Variants in PDIA5 observed in about 807,000 individuals in gnomAD.
PDIA5 encodes the protein protein disulfide-isomerase A5.
A neutral mutation model predicts 77.6 loss-of-function variants in PDIA5; 58 were observed. That is an observed-to-expected ratio of 0.75 (90% CI 0.61 to 0.93). PDIA5 has a LOEUF of 0.93. Among genes scored for constraint, PDIA5 ranks in the 40% least tolerant of loss-of-function variants. The probability of loss-of-function intolerance (pLI) is 0.00; values close to 1 mark genes in which losing one functional copy is unlikely to be tolerated. For missense variants in PDIA5, 630 were observed against 647.7 expected, an observed-to-expected ratio of 0.97 and a Z score of 0.30; for synonymous variants, 250 against 252.1, an observed-to-expected ratio of 0.99 and a Z score of 0.08.
In PDIA5 at chr3:123,161,897, T is replaced by C. The variant is rs1323160858; in HGVS notation, c.1497T>C (p.Asn499=). The part of the protein sequence containing the change: ...DSDRTELGFT[N]YIRALREGDH... The stretch of plus-strand genomic sequence containing the variant: ...CCCTGCAGGAATTGGGATTTACCAA[T>C]TATATTCGAGCCCTCCGGGAGGGAG... The change falls in exon 17 of 17, where the codon AAT becomes AAC. Residue 499 remains asparagine, a synonymous_variant. Transcript: ENST00000316218. The C allele has an allele frequency of 1.3e-6, 2 of 1,597,836 alleles. No individual in the cohort carries two copies. The highest frequency in any genetic ancestry group is 1.7e-6 in the Non-Finnish European group (2 of 1,165,554).
At chr3:123,081,665 C>T (rs970191515) in intron 1 of PDIA5, among the ~76,000 whole-genome samples, 3 of 152,204 alleles carry the variant, frequency 2.0e-5, no homozygotes, top group Non-Finnish European at 4.4e-5. Context: ...CAATGTTAAA[C>T]TTCTGTTCCC....
At chr3:123,150,944 T>A (rs1374904413) in intron 14 of PDIA5, among the ~76,000 whole-genome samples, 1 of 152,268 alleles carries the variant, frequency 6.6e-6, no homozygotes, top group African/African-American at 2.4e-5. Flanking sequence ...ATACTTACAA[T>A]GAAAGGTTCT....
rs1344641757 is a variant in PDIA5, at chr3:123,128,499, TTTTA to T, written c.774-1977_774-1974del. On this transcript the variant is annotated intron_variant, in intron 10 of 16. Coordinates refer to ENST00000316218, the MANE Select transcript of PDIA5 (RefSeq NM_006810.4). ...TTACATTCACATAATTCAATTTATTTTTTATTTTTTATTTTTTTATTTTTTTAGA... is the reference window on the plus strand; with the variant it reads ...TTACATTCACATAATTCAATTTATTTTTTTTTATTTTTTTATTTTTTTAGA... Among the ~76,000 whole-genome samples the T allele has an allele frequency of 2.6e-5, 4 of 152,134 alleles. No homozygotes were observed. The South Asian group carries it at 8.3e-4, about 32-fold the overall frequency.
chr3:123,111,120 C>A (rs1229593761), intron 7 of PDIA5, 116 bp downstream of exon 7: 5 of 744,536 alleles, frequency 6.7e-6, no homozygotes, highest in Non-Finnish European at 9.5e-6. Context: ...TGGCTTAGAA[C>A]GCTGAATCTC....
intron 4 of PDIA5, 22 bp downstream of exon 4, chr3:123,102,516 C>A: frequency 1.3e-6 from 2 of 1,575,838 alleles, no homozygotes; most frequent in Non-Finnish European, 1.7e-6. Flanking sequence ...TGGGCATTTC[C>A]AATTTCCAAG....
intron 8 of PDIA5, among the ~76,000 whole-genome samples, chr3:123,122,609 A>T (rs1935146673): frequency 6.6e-6 from 1 of 152,194 alleles, no homozygotes; most frequent in South Asian, 2.1e-4. Flanking sequence ...TAGGAAGATG[A>T]CAGTTACTGA....
At chr3:123,095,541 G>A (rs753624394) in intron 3 of PDIA5, among the ~76,000 whole-genome samples, 11 of 152,104 alleles carry the variant, frequency 7.2e-5, no homozygotes, top group Admixed American at 2.0e-4. Flanking sequence ...CCTGAGGTCG[G>A]GAGTTCAAGA....
rs893689847 is a variant in PDIA5 at position 123,111,094 on chromosome 3, G to T, written c.541+90G>T. ...TGGGGGTTGCGGGCGGGGTCTGGGG[G>T]ATTAGCCTGGGTGCCTGGCTTAGAA... On this transcript the variant is annotated intron_variant, in intron 7 of 16. Coordinates refer to ENST00000316218, the MANE Select transcript of PDIA5 (RefSeq NM_006810.4). 3.4e-6 allele frequency: 3 copies of T among 873,374 alleles called. No homozygotes were observed. The African/African-American group carries it at 5.0e-5, about 14-fold the overall frequency. 54.1% of individuals were successfully genotyped at this position (873,374 alleles called of 1,614,324 possible).
chr3:123,125,573 ACC>A (rs772231990), intron 10 of PDIA5, among the ~76,000 whole-genome samples: 6 of 152,234 alleles, frequency 3.9e-5, no homozygotes, highest in Admixed American at 2.6e-4. Flanking sequence ...CAGTGTGCAA[ACC>A]CCAGGGTTAA....
intron 1 of PDIA5, among the ~76,000 whole-genome samples, chr3:123,068,118 A>C (rs539291868): frequency 6.6e-6 from 1 of 152,122 alleles, no homozygotes; most frequent in South Asian, 2.1e-4. Flanking sequence ...CTCCTTCCCC[A>C]TCTTTTCCAT....
intron 15 of PDIA5, among the ~76,000 whole-genome samples, chr3:123,156,854 C>T (rs1400856845): frequency 6.6e-6 from 1 of 152,208 alleles, no homozygotes; most frequent in Non-Finnish European, 1.5e-5. Flanking sequence ...CCTTTCTGCC[C>T]ACTAGACCGC....
intron 1 of PDIA5, among the ~76,000 whole-genome samples, chr3:123,070,505 G>T (rs1450360824): frequency 6.6e-6 from 1 of 152,188 alleles, no homozygotes; most frequent in African/African-American, 2.4e-5. Flanking sequence ...GAATACTGGG[G>T]AGGAAGGTGT....
intron 11 of PDIA5, among the ~76,000 whole-genome samples, chr3:123,140,549 C>T (rs1935602281): frequency 6.6e-6 from 1 of 152,038 alleles, no homozygotes; most frequent in African/African-American, 2.4e-5. Context: ...AAAGCAGGGG[C>T]CAGAACAAAG....
intron 3 of PDIA5, among the ~76,000 whole-genome samples, chr3:123,093,873 G>C (rs920145917): frequency 1.3e-5 from 2 of 152,180 alleles, no homozygotes; most frequent in African/African-American, 4.8e-5. Context: ...CGCTCACAGT[G>C]CCCTGGCTTT....
intron 8 of PDIA5, among the ~76,000 whole-genome samples, chr3:123,117,399 T>TATATATATATATATATATATATATATA (rs60353329): frequency 6.9e-4 from 94 of 135,304 alleles, no homozygotes; most frequent in African/African-American, 1.6e-3. Context: ...TATATATATA[T>TATATATATATATATATATATATATATA]TCTGTTTTAG....
At chr3:123,090,236 G>T (rs1279124689) in intron 2 of PDIA5, among the ~76,000 whole-genome samples, 1 of 152,216 alleles carries the variant, frequency 6.6e-6, no homozygotes, top group African/African-American at 2.4e-5. Context: ...GCATTGTTGG[G>T]AGCCCAGCAT....
intron 1 of PDIA5, among the ~76,000 whole-genome samples, chr3:123,072,674 T>C (rs1933751827): frequency 6.6e-6 from 1 of 152,172 alleles, no homozygotes; most frequent in African/African-American, 2.4e-5. Context: ...TCCCCTTTCT[T>C]CTGAAAGTAG....
chr3:123,162,098 C>T lies in PDIA5; in HGVS notation c.*138C>T. 1.5e-6 allele frequency: 1 copy of T among 656,308 alleles called. No individual in the cohort carries two copies. Among genetic ancestry groups the T allele is most frequent in the East Asian group, 2.7e-5 (1 of 37,712 alleles). 40.7% of individuals were successfully genotyped at this position (656,308 alleles called of 1,614,324 possible). A position where few individuals can be genotyped will look rare whatever the true frequency, so the allele number is the denominator to read the frequency against. On this transcript the variant is annotated 3_prime_UTR_variant, in exon 17 of 17. Transcript: ENST00000316218. Reference sequence around the variant, plus strand: ...TGTACAATTTTGAAATAAAATTAAACCATTTATTTGGTGGTATGGTTTATT... The same window carrying T: ...TGTACAATTTTGAAATAAAATTAAATCATTTATTTGGTGGTATGGTTTATT...
chr3:123,110,712 C>T (rs1474982828), intron 6 of PDIA5, among the ~76,000 whole-genome samples: 1 of 152,162 alleles, frequency 6.6e-6, no homozygotes, highest in Non-Finnish European at 1.5e-5. Flanking sequence ...ATCTGTAATA[C>T]GTGAGGGTGG....
Sources: allele counts gnomAD v4.1 joint callset (sites outside exome capture counted in the v4.1 genomes callset), GRCh38; gene constraint gnomAD v4.1.1; transcripts MANE v1.5; gene names NCBI Gene and HGNC (gene_info 2026-07-23, HGNC 2026-07-21).